Variants in EPHB1 observed in about 807,000 individuals in gnomAD.
EPHB1 encodes the protein ephrin type-B receptor 1.
EPHB1 carries 30 observed loss-of-function variants against 94.4 expected under a neutral mutation model. The ratio of observed to expected loss-of-function variants is 0.32; its 90% confidence interval spans 0.24 to 0.43. The LOEUF (loss-of-function observed/expected upper bound fraction) is 0.43, where lower values mean the gene tolerates loss of function less well. Among genes scored for constraint, EPHB1 ranks in the 20% least tolerant of loss-of-function variants. EPHB1 has a pLI of 1.00. For synonymous variants in EPHB1, 522 were observed against 489.1 expected, an observed-to-expected ratio of 1.07 and a Z score of -0.89; for missense variants, 1,055 against 1,308.3, an observed-to-expected ratio of 0.81 and a Z score of 2.99.
chr3:135,143,861 G>T (rs1559849505), intron 5 of EPHB1, among the ~76,000 whole-genome samples: 1 of 152,196 alleles, frequency 6.6e-6, no homozygotes, highest in Non-Finnish European at 1.5e-5. Context: ...GACATCTTTT[G>T]ATTCCCCCAG....
intron 15 of EPHB1, among the ~76,000 whole-genome samples, chr3:135,254,133 T>C (rs1933256020): frequency 1.0e-5 from 1 of 96,160 alleles, no homozygotes; most frequent in East Asian, 2.8e-4. Context: ...TGGGGTTTTC[T>C]AGATATACAA....
At chr3:134,860,164 CACACACAG>C (rs1236522696) in intron 1 of EPHB1, among the ~76,000 whole-genome samples, 4 of 131,340 alleles carry the variant, frequency 3.0e-5, no homozygotes, top group Non-Finnish European at 4.7e-5. Flanking sequence ...CACACACACA[CACACACAG>C]ACACACACAC....
At chr3:135,000,829 T>C (rs901402149) in intron 3 of EPHB1, among the ~76,000 whole-genome samples, 2 of 152,196 alleles carry the variant, frequency 1.3e-5, no homozygotes, top group Non-Finnish European at 2.9e-5. Flanking sequence ...CCCAGTTCCA[T>C]TGATTTTTTG....
intron 12 of EPHB1, among the ~76,000 whole-genome samples, chr3:135,214,812 C>T (rs1183489738): frequency 2.6e-5 from 4 of 152,172 alleles, no homozygotes; most frequent in Non-Finnish European, 5.9e-5. Flanking sequence ...CAATTGATCC[C>T]TGTGTTCAGC....
intron 10 of EPHB1, among the ~76,000 whole-genome samples, chr3:135,181,505 A>G (rs751529003): frequency 1.3e-5 from 2 of 152,232 alleles, no homozygotes; most frequent in Admixed American, 6.5e-5. Flanking sequence ...TAAACATCAA[A>G]GAGTGTTGGG....
chr3:135,192,365 G>T (rs142927265), intron 10 of EPHB1, among the ~76,000 whole-genome samples: 31 of 3,900 alleles, frequency 7.9e-3, no homozygotes, highest in East Asian at 0.065. Context: ...TAAGTACCAA[G>T]GTAAGGAATG....
chr3:135,182,434 T>G (rs775028771), intron 10 of EPHB1, among the ~76,000 whole-genome samples: 1 of 152,178 alleles, frequency 6.6e-6, no homozygotes, highest in Non-Finnish European at 1.5e-5. Context: ...TCCCTCAGGC[T>G]TTTACTGAAT....
At chr3:135,135,433 G>A (rs1195507401) in intron 5 of EPHB1, among the ~76,000 whole-genome samples, 2 of 152,174 alleles carry the variant, frequency 1.3e-5, no homozygotes, top group African/African-American at 4.8e-5. Context: ...CTGAACTTCT[G>A]TGAGAACAGT....
chr3:135,055,447 ATCCCC>A (rs1389832257), intron 3 of EPHB1, among the ~76,000 whole-genome samples: 2 of 152,086 alleles, frequency 1.3e-5, no homozygotes, highest in Admixed American at 6.5e-5. Flanking sequence ...TCATACCATG[ATCCCC>A]ATTTTTTCAG....
At chr3:134,950,627 G>C (rs774203823) in intron 2 of EPHB1, among the ~76,000 whole-genome samples, 3 of 152,114 alleles carry the variant, frequency 2.0e-5, no homozygotes, top group Admixed American at 1.3e-4. Context: ...GAGAGAGAAG[G>C]GGGAGCTCCC....
intron 3 of EPHB1, among the ~76,000 whole-genome samples, chr3:134,974,076 G>A (rs1934088053): frequency 6.6e-6 from 1 of 152,128 alleles, no homozygotes; most frequent in Non-Finnish European, 1.5e-5. Context: ...TGGGCTGGAG[G>A]AATATCCCAT....
intron 3 of EPHB1, among the ~76,000 whole-genome samples, chr3:135,013,004 A>C (rs1935672425): frequency 6.6e-6 from 1 of 152,172 alleles, no homozygotes. Flanking sequence ...TGCCTTTTGC[A>C]GTACATTTCC....
chr3:134,878,604 G>T (rs1032879285), intron 1 of EPHB1, among the ~76,000 whole-genome samples: 8 of 152,164 alleles, frequency 5.3e-5, no homozygotes, highest in African/African-American at 1.9e-4. Context: ...GGGAAGATTT[G>T]GCCTCTTTGT....
At chr3:134,877,725 G>A (rs1312360664) in intron 1 of EPHB1, among the ~76,000 whole-genome samples, 3 of 152,188 alleles carry the variant, frequency 2.0e-5, no homozygotes, top group Non-Finnish European at 4.4e-5. Context: ...GAAAGAAGAG[G>A]GTGTTTCTGC....
At chr3:135,191,559 A>G (rs1375207768) in intron 10 of EPHB1, among the ~76,000 whole-genome samples, 1 of 152,218 alleles carries the variant, frequency 6.6e-6, no homozygotes, top group Non-Finnish European at 1.5e-5. Flanking sequence ...ACTGCTTCAC[A>G]TGAAAGAATT....
rs781671343 is a variant in EPHB1, at chr3:135,201,455, C to G, written c.2131-19C>G. The G allele has an allele frequency of 6.2e-7, 1 of 1,613,274 alleles. No homozygotes were observed. ...TTGAAGCCCGTCTTGATCCCAATGC[C>G]CTCTATGTCTTATTACAGCAAAATG... On this transcript the variant is annotated intron_variant, in intron 11 of 15. Transcript: ENST00000398015.
chr3:134,919,141 A>G (rs2038627463), intron 1 of EPHB1, among the ~76,000 whole-genome samples: 1 of 152,232 alleles, frequency 6.6e-6, no homozygotes, highest in South Asian at 2.1e-4. Flanking sequence ...AGAAAGAACC[A>G]TTGGAATATG....
At chr3:134,943,730 G>A (rs1272355860) in intron 2 of EPHB1, among the ~76,000 whole-genome samples, 8 of 152,082 alleles carry the variant, frequency 5.3e-5, no homozygotes, top group African/African-American at 1.9e-4. Context: ...CTCAACTTAG[G>A]CATCATTCAT....
intron 3 of EPHB1, among the ~76,000 whole-genome samples, chr3:135,102,728 C>G (rs577317020): frequency 6.6e-6 from 1 of 152,168 alleles, no homozygotes; most frequent in Non-Finnish European, 1.5e-5. Flanking sequence ...GGAACCAACC[C>G]AAATGCCCAT....
Sources: gnomAD v4.1 joint callset for allele counts (sites outside exome capture counted in the v4.1 genomes callset) on GRCh38, gnomAD v4.1.1 for gene constraint, MANE v1.5 for transcripts, NCBI Gene and HGNC (gene_info 2026-07-23, HGNC 2026-07-21) for gene names.